The following CACNA1C variants were observed in gnomAD, a reference collection of about 807,000 sequenced individuals.
The protein encoded by CACNA1C is calcium voltage-gated channel subunit alpha1 C, also known as voltage-dependent L-type calcium channel subunit alpha-1C.
CACNA1C carries 30 observed loss-of-function variants against 229.0 expected under a neutral mutation model. That is an observed-to-expected ratio of 0.13 (90% CI 0.10 to 0.18). The LOEUF (loss-of-function observed/expected upper bound fraction) is 0.18. Among genes scored for constraint, CACNA1C ranks in the 10% least tolerant of loss-of-function variants. The pLI is 1.00. For synonymous variants in CACNA1C, 1,114 were observed against 1,132.5 expected, an observed-to-expected ratio of 0.98 and a Z score of 0.33; for missense variants, 1,658 against 2,845.0, an observed-to-expected ratio of 0.58 and a Z score of 9.49.
In CACNA1C at chr12:2,144,774, TAG is replaced by T. The variant is rs372696827; in HGVS notation, c.477+24347_477+24348del. On this transcript the variant is annotated intron_variant, in intron 3 of 46. Coordinates refer to ENST00000399655, the MANE Select transcript of CACNA1C (RefSeq NM_000719.7). ...AAAATGTTTTAGGGTAGATTGTTTG[TAG>T]AGTTTTTCATCCTGCTAAAGTGATC... Among the ~76,000 whole-genome samples the T allele has an allele frequency of 1.9e-3, 291 of 151,512 alleles. 3 individuals are homozygous for T. Among genetic ancestry groups the T allele is most frequent in the African/African-American group, 6.7e-3 (277 of 41,508 alleles).
intron 4 of CACNA1C, among the ~76,000 whole-genome samples, chr12:2,452,797 G>A (rs1331607012): frequency 3.9e-5 from 6 of 152,176 alleles, no homozygotes; most frequent in Non-Finnish European, 5.9e-5. Context: ...CTTTTACTCC[G>A]ATCAGCATAT....
intron 1 of CACNA1C, among the ~76,000 whole-genome samples, chr12:1,999,901 CCCTGT>C (rs950091654): frequency 4.6e-4 from 70 of 152,160 alleles, no homozygotes; most frequent in African/African-American, 1.6e-3. Context: ...GCTCGTTTGC[CCCTGT>C]ACTTTGAAAA....
rs2096063312 is a variant in CACNA1C, at chr12:2,665,856, G to A, written c.4526+148G>A. The A allele has an allele frequency of 1.3e-6, 1 of 781,080 alleles. No homozygotes were observed. The highest frequency in any genetic ancestry group is 1.9e-6 in the Non-Finnish European group (1 of 517,598). The allele number at this position is 781,080 out of a possible 1,614,324, so 48.4% of individuals were successfully genotyped here. A position where few individuals can be genotyped will look rare whatever the true frequency, so the allele number is the denominator to read the frequency against. On this transcript the variant is annotated intron_variant, in intron 36 of 46. Transcript: ENST00000399655. The surrounding 1 kb of genome is among the most constrained non-coding windows in gnomAD (Gnocchi z 5.9). ...CACACCCTAGGGTGAAAGGTCAAGG[G>A]CCAGCAGGAGGAGGCCCGGCACCTT...
At chr12:2,454,067 T>A (rs2099401232) in intron 4 of CACNA1C, among the ~76,000 whole-genome samples, 1 of 152,150 alleles carries the variant, frequency 6.6e-6, no homozygotes, top group Middle Eastern at 3.2e-3. Flanking sequence ...CACCCCCACC[T>A]CCCTGGAGCC....
At chr12:2,406,296 G>A (rs2096656827) in intron 3 of CACNA1C, among the ~76,000 whole-genome samples, 1 of 152,162 alleles carries the variant, frequency 6.6e-6, no homozygotes, top group South Asian at 2.1e-4. Context: ...GTAGGTTTAT[G>A]TCTTTTGCTA....
At position 2,651,897 on chromosome 12, in the gene CACNA1C, C is replaced by T. The variant is rs562405259; in HGVS notation, c.4074+129C>T. ...CTTCCTCTGTGTGGCAGAACTCGGC[C>T]GCTCTGCCTGGCTCCCTGTTTCCGC... On this transcript the variant is annotated intron_variant, in intron 32 of 46. Coordinates refer to ENST00000399655, the MANE Select transcript of CACNA1C (RefSeq NM_000719.7). This position sits in a 1 kb window ranked among gnomAD's most constrained non-coding sequence, Gnocchi z 5.4. 2.9e-5 allele frequency: 21 copies of T among 727,710 alleles called. No homozygotes were observed. Among genetic ancestry groups the T allele is most frequent in the Non-Finnish European group, 3.7e-5 (17 of 459,886 alleles). 45.1% of individuals were successfully genotyped at this position (727,710 alleles called of 1,614,324 possible).
intron 3 of CACNA1C, among the ~76,000 whole-genome samples, chr12:2,156,954 A>C (rs960202845): frequency 6.6e-6 from 1 of 152,214 alleles, no homozygotes; most frequent in East Asian, 1.9e-4. Flanking sequence ...CAGACTTTGC[A>C]TGTACTGTAT....
rs540479966 is a variant in CACNA1C at position 2,360,374 on chromosome 12, G to A, written c.478-88602G>A. On this transcript the variant is annotated intron_variant, in intron 3 of 46. Coordinates refer to ENST00000399655, the MANE Select transcript of CACNA1C (RefSeq NM_000719.7). ...AGGCCACACCTGCCCTGGTGGCTCC[G>A]TCCAGCATCCCTGCTGGGTCACTTG... Among the ~76,000 whole-genome samples the A allele has an allele frequency of 5.3e-5, 8 of 152,254 alleles. No individual in the cohort carries two copies. In the East Asian group the frequency reaches 7.7e-4, roughly 15 times the overall value.
In CACNA1C at chr12:2,679,814, C is replaced by T; in HGVS notation, c.5444+18C>T. On this transcript the variant is annotated intron_variant, in intron 42 of 46. Transcript: ENST00000399655. This position sits in a 1 kb window ranked among gnomAD's most constrained non-coding sequence, Gnocchi z 5.5. ...TCCAACAGGTAAGTGGGAGGCTGGC[C>T]ACCCCAGGCGGCACACAGGGCCCAC... 1 of 1,519,792 alleles carries T rather than the reference C, an allele frequency of 6.6e-7. No individual in the cohort carries two copies. Among genetic ancestry groups the T allele is most frequent in the Non-Finnish European group, 8.9e-7 (1 of 1,122,458 alleles). The allele number at this position is 1,519,792 out of a possible 1,614,324, so 94.1% of individuals were successfully genotyped here.
chr12:2,074,480 G>A (rs1324855106), intron 1 of CACNA1C, among the ~76,000 whole-genome samples: 1 of 152,174 alleles, frequency 6.6e-6, no homozygotes, highest in Admixed American at 6.5e-5. Context: ...TGAATGGCAA[G>A]TCTGAGCAGG....
At chr12:2,255,808 T>A (rs958583130) in intron 3 of CACNA1C, among the ~76,000 whole-genome samples, 3 of 152,294 alleles carry the variant, frequency 2.0e-5, no homozygotes, top group Admixed American at 2.0e-4. Flanking sequence ...ACCTTACTAG[T>A]TTACAATCAC....
intron 3 of CACNA1C, chr12:2,217,498 CAG>C (rs2060276566): frequency 6.6e-6 from 1 of 152,096 alleles, no homozygotes; most frequent in African/African-American, 2.4e-5. Flanking sequence ...TTGAGAAAAA[CAG>C]AAATGTATAA....
At chr12:2,068,297 A>C (rs987141322) in intron 1 of CACNA1C, among the ~76,000 whole-genome samples, 1 of 152,156 alleles carries the variant, frequency 6.6e-6, no homozygotes, top group Non-Finnish European at 1.5e-5. Flanking sequence ...ACCCTGCCCC[A>C]GTCCCTGTCA....
intron 3 of CACNA1C, among the ~76,000 whole-genome samples, chr12:2,239,121 G>A (rs2068699400): frequency 6.6e-6 from 1 of 152,172 alleles, no homozygotes; most frequent in South Asian, 2.1e-4. Flanking sequence ...ACAATAACCT[G>A]ACTGGGAAAG....
At chr12:2,259,205 A>G (rs189937173) in intron 3 of CACNA1C, among the ~76,000 whole-genome samples, 1 of 152,332 alleles carries the variant, frequency 6.6e-6, no homozygotes, top group Admixed American at 6.5e-5. Context: ...AGAAGTGCCG[A>G]TTCTACAAAA....
chr12:2,105,033 G>C (rs1297316119), intron 1 of CACNA1C, among the ~76,000 whole-genome samples: 1 of 152,210 alleles, frequency 6.6e-6, no homozygotes, highest in African/African-American at 2.4e-5. Context: ...CCGAAGCAGT[G>C]TTGGCCTTGT....
chr12:2,565,379 A>G lies in CACNA1C; in HGVS notation c.1509-1043A>G, dbSNP rs12812569. ...CTACTCGGGAGGCTGAGGCAGGAGAATGGCGTGAACCCGGGAAGCGGAGCT... is the reference window on the plus strand; with the variant it reads ...CTACTCGGGAGGCTGAGGCAGGAGAGTGGCGTGAACCCGGGAAGCGGAGCT... On this transcript the variant is annotated intron_variant, in intron 11 of 46. Coordinates refer to ENST00000399655, the MANE Select transcript of CACNA1C (RefSeq NM_000719.7). Among the ~76,000 whole-genome samples, 1,203 of 151,030 alleles carry G rather than the reference A, an allele frequency of 8.0e-3. 8 individuals carry two copies. The highest frequency in any genetic ancestry group is 0.013 in the Non-Finnish European group (871 of 67,760).
At chr12:2,291,092 A>G (rs1224201067) in intron 3 of CACNA1C, among the ~76,000 whole-genome samples, 2 of 152,208 alleles carry the variant, frequency 1.3e-5, no homozygotes, top group Non-Finnish European at 2.9e-5. Context: ...ATATGAGGTG[A>G]TGGTGAATAT....
At chr12:2,645,538 T>A (rs2094250039) in intron 30 of CACNA1C, among the ~76,000 whole-genome samples, 1 of 152,084 alleles carries the variant, frequency 6.6e-6, no homozygotes, top group Non-Finnish European at 1.5e-5. Flanking sequence ...GCAAGTCCAA[T>A]CTCTCCTTCC....
Sources: allele counts gnomAD v4.1 joint callset (sites outside exome capture counted in the v4.1 genomes callset), GRCh38; gene constraint gnomAD v4.1.1; non-coding constraint Gnocchi (gnomAD v3.1); transcripts MANE v1.5; gene names NCBI Gene and HGNC (gene_info 2026-07-23, HGNC 2026-07-21).